The following UPP2 variants were observed in gnomAD, a reference collection of about 807,000 sequenced individuals.
UPP2 encodes UPase 2.
Under a neutral mutation model 26.7 loss-of-function variants are expected in UPP2, and 23 were observed. That is an observed-to-expected ratio of 0.86 (90% CI 0.62 to 1.22). The LOEUF (loss-of-function observed/expected upper bound fraction) is 1.22, where lower values mean the gene tolerates loss of function less well. Among genes scored for constraint, UPP2 ranks in the 50% most tolerant of loss-of-function variants. UPP2 has a pLI of 0.00. For synonymous variants in UPP2, 127 were observed against 141.3 expected, an observed-to-expected ratio of 0.90 and a Z score of 0.72; for missense variants, 387 against 396.7, an observed-to-expected ratio of 0.98 and a Z score of 0.21.
chr2:158,071,775 A>T (rs1433285018), intron 3 of UPP2, among the ~76,000 whole-genome samples: 1 of 152,038 alleles, frequency 6.6e-6, no homozygotes, highest in African/African-American at 2.4e-5. Context: ...GGCAGGATTC[A>T]TCATCTACTG....
intron 3 of UPP2, among the ~76,000 whole-genome samples, chr2:158,080,491 G>A (rs1682705832): frequency 6.6e-6 from 1 of 152,174 alleles, no homozygotes; most frequent in African/African-American, 2.4e-5. Flanking sequence ...ACAGCCAAGA[G>A]AATGGCTTTC....
chr2:158,027,987 G>A (rs1053527039), intron 3 of UPP2, among the ~76,000 whole-genome samples: 7 of 152,178 alleles, frequency 4.6e-5, no homozygotes, highest in African/African-American at 1.7e-4. Context: ...CTGGGATCCT[G>A]GGCCAGGCCC....
intron 2 of UPP2, among the ~76,000 whole-genome samples, chr2:158,015,373 G>T (rs1016405130): frequency 6.6e-6 from 1 of 152,062 alleles, no homozygotes; most frequent in Non-Finnish European, 1.5e-5. Flanking sequence ...CACCTAACAT[G>T]ATATCCTCAA....
intron 3 of UPP2, among the ~76,000 whole-genome samples, chr2:158,083,867 T>A (rs111577851): frequency 0.12 from 17,535 of 145,416 alleles, 1,543 homozygotes; most frequent in African/African-American, 0.25. Flanking sequence ...TATATGTTTT[T>A]TATATATATA....
intron 3 of UPP2, among the ~76,000 whole-genome samples, chr2:158,027,221 A>G (rs918372102): frequency 5.9e-5 from 9 of 152,182 alleles, no homozygotes; most frequent in Admixed American, 1.3e-4. Flanking sequence ...CATCTGAGAC[A>G]AGGCAAGTCC....
chr2:158,057,599 A>G (rs1682267458), intron 3 of UPP2, among the ~76,000 whole-genome samples: 1 of 152,178 alleles, frequency 6.6e-6, no homozygotes, highest in South Asian at 2.1e-4. Flanking sequence ...ATCCTATATT[A>G]CACTATGGTA....
chr2:158,029,741 A>G (rs951790256), intron 3 of UPP2, among the ~76,000 whole-genome samples: 1 of 151,992 alleles, frequency 6.6e-6, no homozygotes, highest in Admixed American at 6.5e-5. Context: ...AGATATAAAT[A>G]GAGGTATTAT....
intron 3 of UPP2, among the ~76,000 whole-genome samples, chr2:158,067,494 G>A (rs1393911970): frequency 1.3e-5 from 2 of 152,058 alleles, no homozygotes; most frequent in Non-Finnish European, 2.9e-5. Context: ...CTGCCTTTGT[G>A]GGGAGAGGGA....
intron 3 of UPP2, among the ~76,000 whole-genome samples, chr2:158,040,524 T>G (rs776500423): frequency 6.6e-6 from 1 of 152,252 alleles, no homozygotes; most frequent in African/African-American, 2.4e-5. Flanking sequence ...TACCTATGCA[T>G]GTATTTGCTC....
chr2:158,038,512 A>G (rs1473736785), intron 3 of UPP2, among the ~76,000 whole-genome samples: 1 of 152,248 alleles, frequency 6.6e-6, no homozygotes. Context: ...TATATTTTGT[A>G]TTATGCAGCA....
intron 4 of UPP2, among the ~76,000 whole-genome samples, chr2:158,119,627 A>T (rs1683517844): frequency 6.6e-6 from 1 of 151,976 alleles, no homozygotes; most frequent in Admixed American, 6.6e-5. Context: ...TATAAATAAC[A>T]TCATTTTTAT....
intron 3 of UPP2, among the ~76,000 whole-genome samples, chr2:158,034,684 G>A (rs898308747): frequency 2.0e-5 from 3 of 152,184 alleles, no homozygotes; most frequent in African/African-American, 4.8e-5. Context: ...ATTACGCATA[G>A]TGAATGAAAA....
intron 4 of UPP2, among the ~76,000 whole-genome samples, chr2:158,120,102 G>A (rs1280204131): frequency 6.6e-6 from 1 of 151,844 alleles, no homozygotes; most frequent in Non-Finnish European, 1.5e-5. Flanking sequence ...TCTCTAGTTG[G>A]ATCTTCTAAA....
intron 1 of UPP2, among the ~76,000 whole-genome samples, chr2:158,103,006 T>G (rs1683106614): frequency 6.6e-6 from 1 of 152,246 alleles, no homozygotes; most frequent in Non-Finnish European, 1.5e-5. Flanking sequence ...CTAAAAAGAC[T>G]ATTCTATGTG....
At chr2:158,076,115 A>G (rs1682627298) in intron 3 of UPP2, among the ~76,000 whole-genome samples, 3 of 152,042 alleles carry the variant, frequency 2.0e-5, no homozygotes, top group Non-Finnish European at 1.5e-5. Context: ...ACCTAACAAG[A>G]TTGAACTATG....
chr2:158,105,888 C>T (rs1574294168), intron 1 of UPP2, among the ~76,000 whole-genome samples: 1 of 152,208 alleles, frequency 6.6e-6, no homozygotes, highest in East Asian at 1.9e-4. Flanking sequence ...TGAGTTAATG[C>T]ATTTGTTATA....
At chr2:158,071,174 C>A (rs542018893) in intron 3 of UPP2, among the ~76,000 whole-genome samples, 1 of 152,102 alleles carries the variant, frequency 6.6e-6, no homozygotes, top group Non-Finnish European at 1.5e-5. Flanking sequence ...TAGGGCGGCA[C>A]GTGACCTAGG....
intron 2 of UPP2, among the ~76,000 whole-genome samples, chr2:158,004,973 ATTGTT>A (rs1274493189): frequency 8.5e-5 from 13 of 152,190 alleles, no homozygotes; most frequent in Non-Finnish European, 1.6e-4. Context: ...CTAAAAGAAG[ATTGTT>A]TTGATTTACA....
chr2:158,061,852 T>C (rs1682357530), intron 3 of UPP2, among the ~76,000 whole-genome samples: 1 of 152,266 alleles, frequency 6.6e-6, no homozygotes, highest in Admixed American at 6.5e-5. Context: ...TCAGGTAATC[T>C]GGCCCTAGCC....
Sources: allele counts gnomAD v4.1 joint callset (sites outside exome capture counted in the v4.1 genomes callset), GRCh38; gene constraint gnomAD v4.1.1; transcripts MANE v1.5; gene names NCBI Gene and HGNC (gene_info 2026-07-23, HGNC 2026-07-21).